Variants in BST1 observed in about 807,000 individuals in gnomAD.
The protein encoded by BST1 is ADP-ribosyl cyclase/cyclic ADP-ribose hydrolase 2.
BST1 carries 49 observed loss-of-function variants against 40.6 expected under a neutral mutation model. The observed-to-expected ratio is 1.21, with a 90% confidence interval of 0.96 to 1.53. The LOEUF (loss-of-function observed/expected upper bound fraction) is 1.53, where lower values mean the gene tolerates loss of function less well. BST1 is among the 40% of genes most tolerant of loss of function. The probability of loss-of-function intolerance (pLI) is 0.00; values close to 1 mark genes in which losing one functional copy is unlikely to be tolerated. For missense variants in BST1, 423 were observed against 395.9 expected (o/e 1.07, Z -0.58); for synonymous variants, 157 against 159.3 (o/e 0.99, Z 0.11).
At chr4:15,723,626 A>G (rs1289809357) in intron 8 of BST1, 1 of 983,622 alleles carries the variant, frequency 1.0e-6, no homozygotes, top group Non-Finnish European at 1.2e-6. Flanking sequence ...TTTTGCTATT[A>G]TAAACAATGC....
At chr4:15,710,071 C>T (rs907621120) in intron 3 of BST1, among the ~76,000 whole-genome samples, 3 of 152,128 alleles carry the variant, frequency 2.0e-5, no homozygotes, top group African/African-American at 7.2e-5. Context: ...CTCCTGTGCT[C>T]AAGCGATCCT....
intron 8 of BST1, among the ~76,000 whole-genome samples, chr4:15,728,632 T>C (rs1300276057): frequency 6.7e-6 from 1 of 148,896 alleles, no homozygotes; most frequent in East Asian, 2.0e-4. Context: ...TTCTTTTCCC[T>C]TCCTTCCTTC....
chr4:15,722,592 AT>A (rs1012036868), intron 7 of BST1, among the ~76,000 whole-genome samples: 9,861 of 120,248 alleles, frequency 0.082, 209 homozygotes, highest in African/African-American at 0.095. Context: ...TAATTTTTAG[AT>A]TTTTTTTTTT....
At chr4:15,714,397 T>C (rs184278948) in intron 4 of BST1, among the ~76,000 whole-genome samples, 10 of 152,316 alleles carry the variant, frequency 6.6e-5, no homozygotes, top group Admixed American at 3.3e-4. Flanking sequence ...GTCTCACCCT[T>C]GGGAATTCCT....
At chr4:15,754,105 C>T in the BST1 span, among the ~76,000 whole-genome samples, 3 of 152,096 alleles carry the variant, frequency 2.0e-5, no homozygotes, top group Non-Finnish European at 2.9e-5. Flanking sequence ...ACAGCTTCTT[C>T]GTGTGTATCA....
At chr4:15,722,390 C>T (rs1029086764) in intron 7 of BST1, among the ~76,000 whole-genome samples, 2 of 152,030 alleles carry the variant, frequency 1.3e-5, no homozygotes, top group Non-Finnish European at 2.9e-5. Context: ...TGTCTTGGTA[C>T]GTAGGAAGTG....
intron 7 of BST1, among the ~76,000 whole-genome samples, chr4:15,720,311 T>C (rs1366435436): frequency 2.6e-5 from 4 of 152,112 alleles, no homozygotes; most frequent in Non-Finnish European, 5.9e-5. Flanking sequence ...GCTCCAGTAG[T>C]ACATTTTAAA....
chr4:15,736,599 G>T (rs1466615703), downstream of BST1, among the ~76,000 whole-genome samples: 1 of 149,532 alleles, frequency 6.7e-6, no homozygotes, highest in Non-Finnish European at 1.5e-5. Flanking sequence ...GATAGAGTGA[G>T]ACTCTGTCTC....
chr4:15,705,017 A>G (rs1003915575), intron 1 of BST1: 24 of 737,374 alleles, frequency 3.3e-5, no homozygotes, highest in African/African-American at 2.2e-4. Context: ...GAAAACTAGC[A>G]TGGACCTCAA....
Position 15,718,912 on chromosome 4 carries a change from C to T in BST1, c.710C>T (p.Ser237Phe). Residue 237 changes from serine (S) to phenylalanine (F), a missense_variant, in exon 7 of 9, where the codon TCC (serine) becomes TTC (phenylalanine). By Grantham distance (155) the Ser-to-Phe change is radical. Transcript: ENST00000265016. ...MHEIGGPNVE[S>F]CGEGSMKVLE... ...TATATATTTTCATGTTTTAGGGAAT[C>T]CTGCGGGGAAGGCAGCATGAAAGTC... The T allele has an allele frequency of 6.2e-7, 1 of 1,613,710 alleles. No individual in the cohort carries two copies. Among genetic ancestry groups the T allele is most frequent in the Non-Finnish European group, 8.5e-7 (1 of 1,179,792 alleles).
At position 15,715,334 on chromosome 4, in the gene BST1, A is replaced by G. The variant is rs1451408691; in HGVS notation, c.584A>G (p.Glu195Gly). Residue 195 changes from glutamate to glycine, a missense_variant, in exon 5 of 9, where the codon GAG (glutamate) becomes GGG (glycine). Glu to Gly is a moderately conservative substitution (Grantham distance 98). Coordinates refer to ENST00000265016, the MANE Select transcript of BST1 (RefSeq NM_004334.3). ...ATCCACGTCATGCTGAATGGTTCAG[A>G]GCCAACAGGAGCCTATCCCATCAAA... is the stretch of plus-strand genomic sequence containing the variant. ...GVIHVMLNGS[E>G]PTGAYPIKGF... The G allele has an allele frequency of 1.2e-6, 2 of 1,614,202 alleles. No homozygotes were observed. Among genetic ancestry groups the G allele is most frequent in the African/African-American group, 1.3e-5 (1 of 75,070 alleles).
the BST1 span, among the ~76,000 whole-genome samples, chr4:15,771,248 T>C: frequency 6.6e-6 from 1 of 152,192 alleles, no homozygotes; most frequent in East Asian, 1.9e-4. Context: ...TGAGTAGACA[T>C]TGCACTGCAC....
At chr4:15,719,792 T>TC (rs1341925547) in intron 7 of BST1, among the ~76,000 whole-genome samples, 1 of 152,130 alleles carries the variant, frequency 6.6e-6, no homozygotes. Context: ...TGGATCATTC[T>TC]CCCAGCTGAG....
intron 3 of BST1, 100 bp downstream of exon 3, chr4:15,707,746 C>T: frequency 7.1e-7 from 1 of 1,410,540 alleles, no homozygotes; most frequent in South Asian, 1.3e-5. Context: ...TTCACTTGAT[C>T]CTCTCCAAGT....
the BST1 span, among the ~76,000 whole-genome samples, chr4:15,752,615 T>C: frequency 6.6e-6 from 1 of 151,968 alleles, no homozygotes; most frequent in Admixed American, 6.6e-5. Flanking sequence ...CTCAAACTCC[T>C]GACCTCAAGT....
At chr4:15,705,398 T>C in intron 1 of BST1, 117 bp from the exon 2 acceptor site, 1 of 1,201,422 alleles carries the variant, frequency 8.3e-7, no homozygotes, top group Non-Finnish European at 1.2e-6. Flanking sequence ...TTTGTAAGCC[T>C]ACTTCTGCAG....
At chr4:15,737,746 A>G, downstream of BST1, 5 of 1,276,348 alleles carry the variant, frequency 3.9e-6, no homozygotes, top group Non-Finnish European at 5.1e-6. Flanking sequence ...TCCCTCTAGC[A>G]CGATAGACTT....
chr4:15,722,763 A>G, intron 7 of BST1, 112 bp from the exon 8 acceptor site: 1 of 839,186 alleles, frequency 1.2e-6, no homozygotes, highest in Non-Finnish European at 1.9e-6. Context: ...TAGTTTGTGT[A>G]TTATTTGAGG....
At chr4:15,724,704 A>AAGAGAGAGAGAGAGAG (rs57896911) in intron 8 of BST1, among the ~76,000 whole-genome samples, 2 of 150,454 alleles carry the variant, frequency 1.3e-5, no homozygotes, top group African/African-American at 4.9e-5. Context: ...AAAATAAAAT[A>AAGAGAGAGAGAGAGAG]AGAGAGAGAG....
Sources: allele counts gnomAD v4.1 joint callset (sites outside exome capture counted in the v4.1 genomes callset), GRCh38; gene constraint gnomAD v4.1.1; transcripts MANE v1.5; gene names NCBI Gene and HGNC (gene_info 2026-07-23, HGNC 2026-07-21).